CTDP1: variants seen among roughly 807,000 people sequenced by gnomAD.
CTDP1 encodes RNA polymerase II subunit A C-terminal domain phosphatase.
In CTDP1, 47 loss-of-function variants were observed where a neutral mutation model predicts 91.8. The ratio of observed to expected loss-of-function variants is 0.51; its 90% confidence interval spans 0.41 to 0.65. CTDP1 has a LOEUF of 0.65. Among genes scored for constraint, CTDP1 ranks in the 30% least tolerant of loss-of-function variants. CTDP1 has a pLI of 0.00. For synonymous variants in CTDP1, 656 were observed against 598.5 expected, an observed-to-expected ratio of 1.10 and a Z score of -1.40; for missense variants, 1,272 against 1,373.7, an observed-to-expected ratio of 0.93 and a Z score of 1.17.
At chr18:79,726,890 G>C (rs955339731) in intron 10 of CTDP1, among the ~76,000 whole-genome samples, 1 of 135,460 alleles carries the variant, frequency 7.4e-6, no homozygotes, top group African/African-American at 2.7e-5. Context: ...CGCCGTTGCT[G>C]GTGGATGGCT....
At chr18:79,721,692 G>T (rs896290618) in intron 10 of CTDP1, among the ~76,000 whole-genome samples, 2 of 152,142 alleles carry the variant, frequency 1.3e-5, no homozygotes, top group African/African-American at 2.4e-5. Context: ...GTTCAAGGCT[G>T]CAGTGAGCTG....
chr18:79,697,113 C>G (rs2085763424), intron 3 of CTDP1, among the ~76,000 whole-genome samples: 1 of 151,996 alleles, frequency 6.6e-6, no homozygotes, highest in Non-Finnish European at 1.5e-5. Flanking sequence ...TAAACCAAAG[C>G]TGGCAAGTTT....
intron 12 of CTDP1, among the ~76,000 whole-genome samples, chr18:79,747,748 C>T (rs950714306): frequency 1.3e-4 from 20 of 152,338 alleles, no homozygotes; most frequent in Middle Eastern, 3.4e-3. Context: ...TTTTTAGTGA[C>T]GTGGCGGCCT....
chr18:79,733,919 T>C (rs2122767547), intron 11 of CTDP1, among the ~76,000 whole-genome samples: 1 of 152,368 alleles, frequency 6.6e-6, no homozygotes, highest in East Asian at 1.9e-4. Flanking sequence ...ATGAATTCAC[T>C]TGTGTTTTTT....
intron 5 of CTDP1, among the ~76,000 whole-genome samples, chr18:79,706,019 C>G (rs1168408635): frequency 1.3e-5 from 2 of 152,148 alleles, no homozygotes; most frequent in Non-Finnish European, 2.9e-5. Context: ...GAGGGTTTTA[C>G]AGCCCCCAAG....
At chr18:79,688,626 C>T (rs950744533) in intron 1 of CTDP1, among the ~76,000 whole-genome samples, 2 of 152,160 alleles carry the variant, frequency 1.3e-5, no homozygotes, top group African/African-American at 4.8e-5. Flanking sequence ...TCTCGAACTC[C>T]TGACCTCAGG....
chr18:79,750,512 G>A (rs1375669104), intron 12 of CTDP1, among the ~76,000 whole-genome samples: 3 of 146,438 alleles, frequency 2.0e-5, no homozygotes, highest in African/African-American at 7.6e-5. Context: ...TTTCCCCCCC[G>A]AGACAGAGTC....
chr18:79,752,429 C>T (rs1437434778), intron 12 of CTDP1, among the ~76,000 whole-genome samples: 4 of 80,998 alleles, frequency 4.9e-5, no homozygotes, highest in Admixed American at 1.1e-4. Context: ...TGCAGAGGCT[C>T]GTAAGGAAAG....
chr18:79,701,922 C>T (rs899697649), intron 4 of CTDP1, among the ~76,000 whole-genome samples: 23 of 152,174 alleles, frequency 1.5e-4, no homozygotes, highest in Non-Finnish European at 2.2e-4. Context: ...GGATGAAACT[C>T]GAACAGATGA....
chr18:79,734,635 C>T (rs541804953), intron 11 of CTDP1, among the ~76,000 whole-genome samples: 132 of 152,382 alleles, frequency 8.7e-4, no homozygotes, highest in African/African-American at 3.1e-3. Flanking sequence ...GGCCGGCCCG[C>T]CTGCCCTTGG....
At chr18:79,729,621 C>T (rs1260263145) in intron 11 of CTDP1, among the ~76,000 whole-genome samples, 3 of 152,222 alleles carry the variant, frequency 2.0e-5, no homozygotes, top group African/African-American at 4.8e-5. Flanking sequence ...TTTTCTCAGC[C>T]GGGTCCTGCT....
chr18:79,686,356 C>T (rs1374795958), intron 1 of CTDP1, among the ~76,000 whole-genome samples: 2 of 151,878 alleles, frequency 1.3e-5, no homozygotes, highest in African/African-American at 2.4e-5. Context: ...AAATACAAAA[C>T]GGAAAACAAG....
chr18:79,706,422 A>G (rs1376299486), intron 5 of CTDP1, among the ~76,000 whole-genome samples: 1 of 152,236 alleles, frequency 6.6e-6, no homozygotes, highest in Non-Finnish European at 1.5e-5. Context: ...CACAAACCGC[A>G]GGGACAGTGA....
chr18:79,714,437 A>G, intron 7 of CTDP1, 54 bp from the exon 8 acceptor site: 2 of 1,589,174 alleles, frequency 1.3e-6, no homozygotes, highest in Non-Finnish European at 8.6e-7. Context: ...TTGGAACGTT[A>G]TTTAATGTTT....
intron 10 of CTDP1, among the ~76,000 whole-genome samples, chr18:79,727,171 C>T (rs537073099): frequency 3.3e-5 from 5 of 152,098 alleles, no homozygotes; most frequent in South Asian, 2.1e-4. Context: ...GGGTGTTTGG[C>T]GGGAGTAGAG....
chr18:79,679,887 G>A lies in CTDP1; in HGVS notation c.-61G>A, dbSNP rs1481073993. 52 of 1,329,642 alleles carry A rather than the reference G, an allele frequency of 3.9e-5. No individual in the cohort carries two copies. Among genetic ancestry groups the A allele is most frequent in the Non-Finnish European group, 4.1e-5 (42 of 1,030,440 alleles). 82.4% of individuals were successfully genotyped at this position (1,329,642 alleles called of 1,614,324 possible). A position where few individuals can be genotyped will look rare whatever the true frequency, so the allele number is the denominator to read the frequency against. On this transcript the variant is annotated 5_prime_UTR_variant, in exon 1 of 13. Coordinates refer to ENST00000613122, the MANE Select transcript of CTDP1 (RefSeq NM_004715.5). The stretch of plus-strand genomic sequence containing the variant: ...CGCCTGGGTTGTGTCGCCGCGGTAG[G>A]CGCTGCGCTCTGAGCGCAGCGCAGG...
At chr18:79,679,746 A>G (rs539979493), upstream of CTDP1, 2 of 522,570 alleles carry the variant, frequency 3.8e-6, no homozygotes, top group Non-Finnish European at 6.9e-6. Context: ...GCTCGTATTT[A>G]CACGCGCACG....
intron 10 of CTDP1, among the ~76,000 whole-genome samples, chr18:79,728,571 G>A (rs959483087): frequency 2.8e-4 from 42 of 152,132 alleles, no homozygotes; most frequent in Admixed American, 1.7e-3. Flanking sequence ...CCCAGAACAC[G>A]CTTCATCTCC....
At chr18:79,737,503 G>A (rs1037816459) in intron 12 of CTDP1, among the ~76,000 whole-genome samples, 1 of 152,160 alleles carries the variant, frequency 6.6e-6, no homozygotes, top group South Asian at 2.1e-4. Context: ...TCCACTAATC[G>A]GCTTTGTTCT....
Sources: allele counts gnomAD v4.1 joint callset (sites outside exome capture counted in the v4.1 genomes callset), GRCh38; gene constraint gnomAD v4.1.1; transcripts MANE v1.5; gene names NCBI Gene and HGNC (gene_info 2026-07-23, HGNC 2026-07-21).